The following LIN9 variants were observed in gnomAD, a reference collection of about 807,000 sequenced individuals.
The protein encoded by LIN9 is protein lin-9 homolog.
Under a neutral mutation model 78.0 loss-of-function variants are expected in LIN9, and 18 were observed. The observed-to-expected ratio is 0.23, with a 90% CI of 0.16 to 0.34. LIN9 has a LOEUF of 0.34. Ranked by LOEUF, LIN9 falls within the 10% of genes least tolerant of loss-of-function variation. The pLI is 1.00. For synonymous variants in LIN9, 192 were observed against 215.2 expected, an observed-to-expected ratio of 0.89 and a Z score of 0.94; for missense variants, 451 against 644.1, an observed-to-expected ratio of 0.70 and a Z score of 3.25.
rs1329144334 is a variant in LIN9, at chr1:226,233,496, C to G, written c.1273G>C (p.Ala425Pro). ...CGTCTCATATCTGTTGGCTGATCTG[C>G]AGGCTGGAGCCCCTGGTCTGGAGCA... Reference protein sequence around the residue: ...ELAPDQGLQPADQPTDMRRRC... With the variant: ...ELAPDQGLQPPDQPTDMRRRC... Residue 425 changes from alanine to proline, a missense_variant, in exon 13 of 15, where the codon GCA becomes CCA. Transcript: ENST00000681046. 1 of 1,613,618 alleles carries G rather than the reference C, an allele frequency of 6.2e-7. No homozygotes were observed. The highest frequency in any genetic ancestry group is 8.5e-7 in the Non-Finnish European group (1 of 1,179,906).
At chr1:226,268,217 C>T (rs897154385) in intron 7 of LIN9, 127 bp from the exon 8 acceptor site, 80 of 804,628 alleles carry the variant, frequency 9.9e-5, no homozygotes, top group Non-Finnish European at 1.3e-4. Context: ...AAAACAAGCA[C>T]ACACTTTATT....
chr1:226,260,730 C>A (rs1008366912), intron 10 of LIN9, among the ~76,000 whole-genome samples: 1 of 149,684 alleles, frequency 6.7e-6, no homozygotes, highest in Non-Finnish European at 1.5e-5. Context: ...CTGCAAGCTC[C>A]GCCTCCCAGG....
chr1:226,309,173 C>A, upstream of LIN9: 1 of 1,408,044 alleles, frequency 7.1e-7, no homozygotes, highest in Non-Finnish European at 9.3e-7. Flanking sequence ...TCAAAGGCTG[C>A]CCGCCGCGGT....
At chr1:226,233,268 T>C (rs1389331560) in intron 13 of LIN9, 75 bp from the exon 14 acceptor site, 13 of 1,517,590 alleles carry the variant, frequency 8.6e-6, no homozygotes, top group Non-Finnish European at 1.2e-5. Flanking sequence ...ATATAATCAA[T>C]GAATTAATTT....
intron 6 of LIN9, among the ~76,000 whole-genome samples, chr1:226,283,586 G>A (rs1661210906): frequency 1.3e-5 from 2 of 152,008 alleles, no homozygotes; most frequent in African/African-American, 2.4e-5. Flanking sequence ...TTTTGGCCAT[G>A]TAAAACGTTC....
At chr1:226,270,727 G>C (rs572370635) in intron 7 of LIN9, among the ~76,000 whole-genome samples, 2 of 150,302 alleles carry the variant, frequency 1.3e-5, no homozygotes, top group Non-Finnish European at 3.0e-5. Flanking sequence ...TGAGGTGGGA[G>C]GATTGCTTGA....
intron 1 of LIN9, among the ~76,000 whole-genome samples, chr1:226,308,363 G>C (rs1171465173): frequency 1.0e-5 from 1 of 96,772 alleles, no homozygotes; most frequent in Non-Finnish European, 2.2e-5. Flanking sequence ...CAGGGTACAC[G>C]TACGCTGTGT....
chr1:226,232,288 G>T lies in LIN9; in HGVS notation c.*213C>A, dbSNP rs1165639130. On this transcript the variant is annotated 3_prime_UTR_variant, in exon 15 of 15. Coordinates refer to ENST00000681046, the MANE Select transcript of LIN9 (RefSeq NM_001366245.2). ...TATAAACATATGTAACATAAGCAAT[G>T]CTACTGCATCTGAATAATAAAAGAA... 1 of 410,348 alleles carries T rather than the reference G, an allele frequency of 2.4e-6. No individual in the cohort carries two copies. Among genetic ancestry groups the T allele is most frequent in the East Asian group, 3.5e-5 (1 of 28,622 alleles). The allele number at this position is 410,348 out of a possible 1,614,324, so 25.4% of individuals were successfully genotyped here. A position where few individuals can be genotyped will look rare whatever the true frequency, so the allele number is the denominator to read the frequency against.
At chr1:226,282,638 G>A (rs937428921) in intron 6 of LIN9, among the ~76,000 whole-genome samples, 1 of 152,046 alleles carries the variant, frequency 6.6e-6, no homozygotes, top group African/African-American at 2.4e-5. Flanking sequence ...CTGGCCAACA[G>A]GGTGAAACTC....
intron 11 of LIN9, among the ~76,000 whole-genome samples, chr1:226,246,255 T>C (rs1658470462): frequency 1.3e-5 from 2 of 152,212 alleles, no homozygotes; most frequent in Admixed American, 6.5e-5. Flanking sequence ...CAACTGTCCT[T>C]GTAACTTTAT....
At chr1:226,277,049 T>TA (rs1660709097) in intron 7 of LIN9, among the ~76,000 whole-genome samples, 1 of 151,258 alleles carries the variant, frequency 6.6e-6, no homozygotes, top group African/African-American at 2.4e-5. Context: ...TAATTAAAAA[T>TA]AAAAAAAATT....
intron 11 of LIN9, among the ~76,000 whole-genome samples, chr1:226,246,633 A>AAT (rs1453598404): frequency 1.3e-5 from 2 of 151,400 alleles, no homozygotes; most frequent in Non-Finnish European, 2.9e-5. Flanking sequence ...AAAAAAAAAA[A>AAT]ATACAAAAAA....
chr1:226,247,374 T>C (rs1004726196), intron 11 of LIN9, among the ~76,000 whole-genome samples: 2 of 152,108 alleles, frequency 1.3e-5, no homozygotes, highest in East Asian at 3.8e-4. Flanking sequence ...AATTGAGTTT[T>C]AGATACTATA....
intron 12 of LIN9, among the ~76,000 whole-genome samples, chr1:226,238,637 AAAT>A (rs1657897598): frequency 2.0e-5 from 3 of 149,940 alleles, no homozygotes; most frequent in Admixed American, 6.7e-5. Context: ...CAAAAAAAAT[AAAT>A]AAATAAATAA....
chr1:226,260,393 C>T (rs921696141), intron 10 of LIN9, among the ~76,000 whole-genome samples: 1 of 152,046 alleles, frequency 6.6e-6, no homozygotes, highest in African/African-American at 2.4e-5. Context: ...AAACTATAAG[C>T]CAGGCACAAT....
chr1:226,309,187 T>C, upstream of LIN9: 1 of 1,447,872 alleles, frequency 6.9e-7, no homozygotes, highest in Non-Finnish European at 9.2e-7. Context: ...CCGCGGTGCA[T>C]TGTGGGGCGG....
At chr1:226,284,029 C>A (rs781012263) in intron 6 of LIN9, among the ~76,000 whole-genome samples, 3 of 151,886 alleles carry the variant, frequency 2.0e-5, no homozygotes, top group Non-Finnish European at 4.4e-5. Flanking sequence ...TGGTTTTATT[C>A]TTTCATTTAA....
rs888316941 is a variant in LIN9, at chr1:226,296,043, A to C, written c.160-97T>G. On this transcript the variant is annotated intron_variant, in intron 3 of 14. Transcript: ENST00000681046. Reference sequence around the variant, plus strand: ...ACTTGGAAAACTGAGCTAACTCTGGATTATCAGCAGTATGGAAGGATAAAG... The same window carrying C: ...ACTTGGAAAACTGAGCTAACTCTGGCTTATCAGCAGTATGGAAGGATAAAG... The C allele has an allele frequency of 1.5e-5, 11 of 728,010 alleles. 1 individual carries two copies. The African/African-American group carries it at 2.0e-4, about 13-fold the overall frequency. The allele number at this position is 728,010 out of a possible 1,614,324, so 45.1% of individuals were successfully genotyped here.
In LIN9 at chr1:226,266,329, T is replaced by C. The variant is rs1659905293; in HGVS notation, c.820A>G (p.Asn274Asp). ...HTIPDYEVLS[N>D]EPHETMPIAA... Reference sequence around the variant, plus strand: ...ATTGGCATTGTCTCATGAGGTTCATTACTCTGAGAAAACAGAATAATTCAC... The same window carrying C: ...ATTGGCATTGTCTCATGAGGTTCATCACTCTGAGAAAACAGAATAATTCAC... The change falls in exon 9 of 15, where the codon AAT (asparagine) becomes GAT (aspartate). Residue 274 changes from asparagine to aspartate, a missense_variant. Coordinates refer to ENST00000681046, the MANE Select transcript of LIN9 (RefSeq NM_001366245.2). 6.3e-7 allele frequency: 1 copy of C among 1,585,466 alleles called. No homozygotes were observed. Among genetic ancestry groups the C allele is most frequent in the Non-Finnish European group, 8.6e-7 (1 of 1,164,892 alleles).
Sources: allele counts gnomAD v4.1 joint callset (sites outside exome capture counted in the v4.1 genomes callset), GRCh38; gene constraint gnomAD v4.1.1; transcripts MANE v1.5; gene names NCBI Gene and HGNC (gene_info 2026-07-23, HGNC 2026-07-21).